TMEM200A: variants seen among roughly 807,000 people sequenced by gnomAD.
The protein encoded by TMEM200A is transmembrane protein 200A, also known as two transmembrane C.
In TMEM200A, 12 loss-of-function variants were observed where a neutral mutation model predicts 24.3. The observed-to-expected ratio is 0.49, with a 90% CI of 0.32 to 0.80. The LOEUF is 0.80. TMEM200A is among the 30% of genes least tolerant of loss of function. The probability of loss-of-function intolerance (pLI) is 0.04; values close to 1 mark genes in which losing one functional copy is unlikely to be tolerated. For synonymous variants in TMEM200A, 224 were observed against 224.4 expected, an observed-to-expected ratio of 1.00 and a Z score of 0.02; for missense variants, 545 against 614.4, an observed-to-expected ratio of 0.89 and a Z score of 1.19.
intron 2 of TMEM200A, among the ~76,000 whole-genome samples, chr6:130,388,184 G>C (rs73611683): frequency 0.016 from 2,453 of 152,316 alleles, 67 homozygotes; most frequent in African/African-American, 0.052. Context: ...TGAAGTTCTA[G>C]GCAAGCAATA....
chr6:130,370,103 C>T (rs1017189396), intron 1 of TMEM200A, among the ~76,000 whole-genome samples: 1 of 152,198 alleles, frequency 6.6e-6, no homozygotes, highest in South Asian at 2.1e-4. Context: ...GGTTCTTTCT[C>T]TCTCTCCCCA....
chr6:130,440,518 T>G lies in TMEM200A; in HGVS notation c.96T>G (p.Pro32=). 6.2e-7 allele frequency: 1 copy of G among 1,614,106 alleles called. No individual in the cohort carries two copies. The highest frequency in any genetic ancestry group is 1.7e-4 in the Middle Eastern group (1 of 6,058). ...SQQHVNLSPS[P]ATQEKKPIRR... is the part of the protein sequence containing the mutation. ...AGCATGTCAACCTCAGCCCGTCTCCTGCTACCCAAGAGAAGAAGCCCATCA... is the reference window on the plus strand; with the variant it reads ...AGCATGTCAACCTCAGCCCGTCTCCGGCTACCCAAGAGAAGAAGCCCATCA... Residue 32 remains proline, a synonymous_variant, in exon 3 of 3, where the codon CCT becomes CCG. Coordinates refer to ENST00000296978, the MANE Select transcript of TMEM200A (RefSeq NM_001258277.2).
chr6:130,370,529 C>T (rs1778296105), intron 1 of TMEM200A, among the ~76,000 whole-genome samples: 1 of 152,094 alleles, frequency 6.6e-6, no homozygotes, highest in African/African-American at 2.4e-5. Context: ...GGGAATAATT[C>T]CTTCCTTTTT....
intron 2 of TMEM200A, among the ~76,000 whole-genome samples, chr6:130,405,928 A>G (rs1046718159): frequency 4.6e-5 from 7 of 152,174 alleles, no homozygotes; most frequent in Admixed American, 2.6e-4. Context: ...ATGTTTGACT[A>G]GGTTTTGACT....
intron 2 of TMEM200A, among the ~76,000 whole-genome samples, chr6:130,422,271 GT>G (rs1448486314): frequency 6.6e-6 from 1 of 151,920 alleles, no homozygotes; most frequent in Non-Finnish European, 1.5e-5. Flanking sequence ...TCTCATTATA[GT>G]TTTTTATTTT....
chr6:130,433,083 T>C (rs1039500201), intron 2 of TMEM200A, among the ~76,000 whole-genome samples: 2 of 151,860 alleles, frequency 1.3e-5, no homozygotes, highest in Non-Finnish European at 2.9e-5. Context: ...CCCCTGTCTC[T>C]CTGATTCCAG....
intron 1 of TMEM200A, among the ~76,000 whole-genome samples, chr6:130,372,856 TA>T (rs1355116372): frequency 1.4e-4 from 21 of 152,196 alleles, no homozygotes; most frequent in African/African-American, 4.1e-4. Context: ...TTCGGAGAGG[TA>T]AAACAACCAT....
intron 2 of TMEM200A, among the ~76,000 whole-genome samples, chr6:130,418,875 G>A (rs1003005693): frequency 6.6e-6 from 1 of 152,008 alleles, no homozygotes; most frequent in Admixed American, 6.6e-5. Context: ...AATATTTAGG[G>A]TATCCACCAC....
chr6:130,381,831 A>G (rs1370167367), intron 1 of TMEM200A: 1 of 818,966 alleles, frequency 1.2e-6, no homozygotes, highest in Non-Finnish European at 1.5e-6. Flanking sequence ...TTAGTTCCAC[A>G]GGTTATCTAG....
At chr6:130,410,279 A>C (rs962094542) in intron 2 of TMEM200A, among the ~76,000 whole-genome samples, 1 of 152,190 alleles carries the variant, frequency 6.6e-6, no homozygotes, top group Non-Finnish European at 1.5e-5. Context: ...CATCTTACAT[A>C]TTAGAAACTC....
At chr6:130,418,031 T>C (rs897403854) in intron 2 of TMEM200A, among the ~76,000 whole-genome samples, 8 of 152,204 alleles carry the variant, frequency 5.3e-5, no homozygotes, top group African/African-American at 1.9e-4. Flanking sequence ...ATTGGCCTAG[T>C]GTCCATCTCT....
intron 1 of TMEM200A, among the ~76,000 whole-genome samples, chr6:130,373,163 G>A (rs1244718396): frequency 1.3e-5 from 2 of 152,180 alleles, no homozygotes; most frequent in East Asian, 3.8e-4. Flanking sequence ...GGTTGGCATA[G>A]GAGAGACACA....
chr6:130,366,486 A>G lies in TMEM200A; in HGVS notation c.-119A>G, dbSNP rs1778149447. 9 of 985,498 alleles carry G rather than the reference A, an allele frequency of 9.1e-6. No homozygotes were observed. In the Admixed American group the frequency reaches 5.5e-4, roughly 60 times the overall value. The allele number at this position is 985,498 out of a possible 1,614,324, so 61.0% of individuals were successfully genotyped here. On this transcript the variant is annotated 5_prime_UTR_variant, in exon 1 of 3. Coordinates refer to ENST00000296978, the MANE Select transcript of TMEM200A (RefSeq NM_001258277.2). The surrounding 1 kb of genome is among the most constrained non-coding windows in gnomAD (Gnocchi z 4.4). ...AGTGAGACCAGGACTGAGAACAGGG[A>G]GAGGCGACCCGACCCCCAGGGCCCG...
chr6:130,391,274 G>A (rs1328061083), intron 2 of TMEM200A, among the ~76,000 whole-genome samples: 1 of 152,186 alleles, frequency 6.6e-6, no homozygotes, highest in Non-Finnish European at 1.5e-5. Context: ...TTCATTATAT[G>A]CAGTGGATTT....
chr6:130,371,610 A>G (rs923374852), intron 1 of TMEM200A, among the ~76,000 whole-genome samples: 2 of 152,212 alleles, frequency 1.3e-5, no homozygotes, highest in Admixed American at 6.5e-5. Flanking sequence ...AAAGTGGATA[A>G]CATTCATGCT....
At chr6:130,419,121 C>T (rs907479389) in intron 2 of TMEM200A, among the ~76,000 whole-genome samples, 7 of 152,282 alleles carry the variant, frequency 4.6e-5, no homozygotes, top group Admixed American at 1.3e-4. Context: ...GTCTCTACCT[C>T]TGTGAGATCC....
rs576380919 is a variant in TMEM200A at position 130,407,779 on chromosome 6, T to C, written c.-17+22543T>C. ...TAACATTTTAGAAACAGAAAAGTTA[T>C]ATAAAGGGTCATAGGAAGGGAGCCT... On this transcript the variant is annotated intron_variant, in intron 2 of 2. Coordinates refer to ENST00000296978, the MANE Select transcript of TMEM200A (RefSeq NM_001258277.2). Among the ~76,000 whole-genome samples, 5 of 152,304 alleles carry C rather than the reference T, an allele frequency of 3.3e-5. No individual in the cohort carries two copies. The South Asian group carries it at 1.0e-3, about 32-fold the overall frequency.
chr6:130,371,523 T>C (rs1778321313), intron 1 of TMEM200A, among the ~76,000 whole-genome samples: 1 of 152,080 alleles, frequency 6.6e-6, no homozygotes, highest in Non-Finnish European at 1.5e-5. Flanking sequence ...CAGCTAAAGG[T>C]TGGCCCTTCT....
intron 2 of TMEM200A, among the ~76,000 whole-genome samples, chr6:130,415,649 G>A (rs1779432639): frequency 6.6e-6 from 1 of 152,100 alleles, no homozygotes; most frequent in Admixed American, 6.6e-5. Flanking sequence ...ATGCTCACGA[G>A]ATATCCTTCC....
Sources: gnomAD v4.1 joint callset for allele counts (sites outside exome capture counted in the v4.1 genomes callset) on GRCh38, gnomAD v4.1.1 for gene constraint, Gnocchi (gnomAD v3.1) non-coding constraint, MANE v1.5 for transcripts, NCBI Gene and HGNC (gene_info 2026-07-23, HGNC 2026-07-21) for gene names.